The following PYGL variants were observed in gnomAD, a reference collection of about 807,000 sequenced individuals.
PYGL encodes glycogen phosphorylase, liver form.
PYGL carries 90 observed loss-of-function variants against 100.1 expected under a neutral mutation model. That is an observed-to-expected ratio of 0.90 (90% CI 0.76 to 1.07). PYGL has a LOEUF of 1.07. Ranked by LOEUF, PYGL falls within the 50% of genes least tolerant of loss-of-function variation. PYGL has a pLI of 0.00. For synonymous variants in PYGL, 373 were observed against 393.0 expected (o/e 0.95, Z 0.60); for missense variants, 1,016 against 1,057.6 (o/e 0.96, Z 0.55).
intron 2 of PYGL, 34 bp from the exon 3 acceptor site, chr14:50,935,219 A>C (rs2139194900): frequency 6.4e-7 from 1 of 1,561,370 alleles, no homozygotes; most frequent in South Asian, 1.1e-5. Flanking sequence ...TTGGAAGCAG[A>C]TAAAAATTCA....
chr14:50,915,423 C>G lies in PYGL; in HGVS notation c.1316G>C (p.Arg439Thr). Residue 439 changes from arginine to threonine, a missense_variant, in exon 11 of 20, where the codon AGG becomes ACG. Coordinates refer to ENST00000216392, the MANE Select transcript of PYGL (RefSeq NM_002863.5). ...MSLIEEEGSK[R>T]INMAHLCIVG... Reference sequence around the variant, plus strand: ...AATGCAGAGATGGGCCATGTTGATCCTTTTGCTTCCTTCCTCTTCTATCAG... The same window carrying G: ...AATGCAGAGATGGGCCATGTTGATCGTTTTGCTTCCTTCCTCTTCTATCAG... 2 of 1,614,186 alleles carry G rather than the reference C, an allele frequency of 1.2e-6. No individual in the cohort carries two copies.
chr14:50,936,443 T>A (rs2050653684), intron 2 of PYGL, among the ~76,000 whole-genome samples: 1 of 152,200 alleles, frequency 6.6e-6, no homozygotes, highest in Non-Finnish European at 1.5e-5. Context: ...GATTAGAGCT[T>A]ACTAGGTTCC....
At chr14:50,926,764 A>G (rs1381845639) in intron 4 of PYGL, among the ~76,000 whole-genome samples, 1 of 148,212 alleles carries the variant, frequency 6.7e-6, no homozygotes, top group Non-Finnish European at 1.5e-5. Context: ...GAAAAAGTCC[A>G]TTAACTTGGG....
intron 5 of PYGL, chr14:50,921,523 G>T (rs184424305): frequency 0.011 from 1,703 of 158,242 alleles, 28 homozygotes; most frequent in African/African-American, 0.038. Flanking sequence ...GGGACTACAG[G>T]TGCCCGCCAC....
At chr14:50,922,674 A>G (rs1268197962) in intron 5 of PYGL, among the ~76,000 whole-genome samples, 1 of 152,118 alleles carries the variant, frequency 6.6e-6, no homozygotes, top group Non-Finnish European at 1.5e-5. Context: ...TAGGGCCGAG[A>G]CTTCTCTAAT....
At position 50,935,181 on chromosome 14, in the gene PYGL, C is replaced by G. The variant is rs1424564342; in HGVS notation, c.350G>C (p.Gly117Ala). The change falls in exon 3 of 20, where the codon GGA (glycine) becomes GCA (alanine). Residue 117 changes from glycine (G) to alanine (A), a missense_variant. Gly to Ala is a moderately conservative substitution (Grantham distance 60, BLOSUM62 0). Coordinates refer to ENST00000216392, the MANE Select transcript of PYGL (RefSeq NM_002863.5). ...NACDEAIYQLGLDIEELEEIE... is the reference protein window; with the variant it reads ...NACDEAIYQLALDIEELEEIE... Reference sequence around the variant, plus strand: ...TTCTTCTAACTCTTCTATATCCAATCCAAGCTGGTAATGAAAGGAAAACAA... The same window carrying G: ...TTCTTCTAACTCTTCTATATCCAATGCAAGCTGGTAATGAAAGGAAAACAA... 2 of 1,610,280 alleles carry G rather than the reference C, an allele frequency of 1.2e-6. No homozygotes were observed. The highest frequency in any genetic ancestry group is 1.7e-6 in the Non-Finnish European group (2 of 1,176,656).
chr14:50,925,354 T>C (rs929836241), intron 4 of PYGL, among the ~76,000 whole-genome samples: 19 of 152,208 alleles, frequency 1.2e-4, no homozygotes, highest in Non-Finnish European at 2.5e-4. Flanking sequence ...ATGTGGTGCA[T>C]GACTATACAT....
At chr14:50,906,443 G>C (rs1381718450) in intron 19 of PYGL, among the ~76,000 whole-genome samples, 1 of 152,146 alleles carries the variant, frequency 6.6e-6, no homozygotes, top group East Asian at 1.9e-4. Flanking sequence ...TATTTAAATG[G>C]ATAATGAATA....
chr14:50,914,896 T>G, intron 11 of PYGL, 81 bp from the exon 12 acceptor site: 1 of 1,074,352 alleles, frequency 9.3e-7, no homozygotes, highest in Non-Finnish European at 1.4e-6. Context: ...CGGAGTTATA[T>G]TCAAGAAGCC....
chr14:50,917,091 C>T lies in PYGL; in HGVS notation c.870G>A (p.Lys290=), dbSNP rs1366021707. The T allele has an allele frequency of 6.2e-7, 1 of 1,614,010 alleles. No homozygotes were observed. The change falls in exon 8 of 20, where the codon AAG becomes AAA. Residue 290 remains lysine (K), a synonymous_variant. Coordinates refer to ENST00000216392, the MANE Select transcript of PYGL (RefSeq NM_002863.5). ...AGTATTCCTGCTTCAATCTTAGCTC[C>T]TTCCCTTCAAAAAACTTCAAGCCAG... ...LYPNDNFFEG[K]ELRLKQEYFV...
At chr14:50,913,461 T>G (rs1285019952) in intron 12 of PYGL, 1 of 156,410 alleles carries the variant, frequency 6.4e-6, no homozygotes, top group Non-Finnish European at 1.4e-5. Context: ...AAGCTCCGCC[T>G]CCTGGGTTCA....
Position 50,914,708 on chromosome 14 carries a change from A to G in PYGL, c.1511T>C (p.Ile504Thr). ...TCAGCACTTCCCAGTTACCTCTGCT[A>G]TGAGCTCTGCAAGTCCTGGGTTGCA... is the stretch of plus-strand genomic sequence containing the variant. Reference protein sequence around the residue: ...LLCNPGLAELIAEKIGEDYVK... With the variant: ...LLCNPGLAELTAEKIGEDYVK... Residue 504 changes from isoleucine (I) to threonine (T), a missense_variant, in exon 12 of 20, where the codon ATA becomes ACA. By Grantham distance (89) the Ile-to-Thr change is moderately conservative (BLOSUM62 -1). Transcript: ENST00000216392. The G allele has an allele frequency of 1.2e-6, 2 of 1,611,244 alleles. No homozygotes were observed. The highest frequency in any genetic ancestry group is 1.7e-6 in the Non-Finnish European group (2 of 1,177,510).
Position 50,914,330 on chromosome 14 carries a change from C to G in PYGL, c.1518+371G>C, listed in dbSNP as rs558394087. Among the ~76,000 whole-genome samples the G allele has an allele frequency of 3.3e-5, 5 of 152,184 alleles. No homozygotes were observed. In the East Asian group the frequency reaches 7.7e-4, roughly 23 times the overall value. On this transcript the variant is annotated intron_variant, in intron 12 of 19. Coordinates refer to ENST00000216392, the MANE Select transcript of PYGL (RefSeq NM_002863.5). ...TGGCCAACATGGTAAAACCCTGTCT[C>G]TACTAAAAATACAAAAATTAGCTGG...
intron 19 of PYGL, among the ~76,000 whole-genome samples, chr14:50,905,866 A>C (rs1199796453): frequency 2.0e-5 from 3 of 152,230 alleles, no homozygotes; most frequent in Non-Finnish European, 2.9e-5. Context: ...CATATTTCCC[A>C]TGCTTTCTTA....
chr14:50,920,409 C>A, intron 7 of PYGL, 132 bp downstream of exon 7: 1 of 891,200 alleles, frequency 1.1e-6, no homozygotes, highest in Non-Finnish European at 1.8e-6. Context: ...CTACACAATT[C>A]AGGAAGAAAT....
chr14:50,908,546 AG>A (rs1283167060), intron 18 of PYGL, among the ~76,000 whole-genome samples: 1 of 152,180 alleles, frequency 6.6e-6, no homozygotes. Context: ...TGCATTTGGA[AG>A]TTGGGAATAT....
chr14:50,941,747 A>T (rs2050703779), intron 1 of PYGL, among the ~76,000 whole-genome samples: 1 of 152,136 alleles, frequency 6.6e-6, no homozygotes. Context: ...GCATGGTGGC[A>T]TGCACCTGTA....
chr14:50,921,150 G>GGAATA, intron 5 of PYGL, 83 bp from the exon 6 acceptor site: 1 of 1,088,476 alleles, frequency 9.2e-7, no homozygotes, highest in Non-Finnish European at 1.4e-6. Flanking sequence ...AGACTGCAAT[G>GGAATA]GAATTCTATT....
chr14:50,921,682 A>G (rs2050504401), intron 5 of PYGL, among the ~76,000 whole-genome samples: 1 of 152,178 alleles, frequency 6.6e-6, no homozygotes, highest in African/African-American at 2.4e-5. Context: ...ACCCAGCCAA[A>G]AAAGTTTATC....
Sources: gnomAD v4.1 joint callset for allele counts (sites outside exome capture counted in the v4.1 genomes callset) on GRCh38, gnomAD v4.1.1 for gene constraint, MANE v1.5 for transcripts, NCBI Gene and HGNC (gene_info 2026-07-23, HGNC 2026-07-21) for gene names.